Variants in FXN observed in about 807,000 individuals in gnomAD.
The protein encoded by FXN is frataxin, mitochondrial.
Under a neutral mutation model 22.4 loss-of-function variants are expected in FXN, and 14 were observed. The observed-to-expected ratio is 0.62, with a 90% confidence interval of 0.41 to 0.98. FXN has a LOEUF of 0.98. Among genes scored for constraint, FXN ranks in the 50% least tolerant of loss-of-function variants. The pLI, the probability that FXN is intolerant of heterozygous loss-of-function variation, is 0.00. For synonymous variants in FXN, 120 were observed against 114.1 expected (o/e 1.05, Z -0.33); for missense variants, 267 against 268.4 (o/e 0.99, Z 0.04).
At chr9:69,065,611 C>A (rs1832154856) in intron 4 of FXN, among the ~76,000 whole-genome samples, 1 of 151,908 alleles carries the variant, frequency 6.6e-6, no homozygotes, top group East Asian at 1.9e-4. Flanking sequence ...ATTTTGCAGC[C>A]TGTCTCATTC....
chr9:69,041,289 C>T (rs751380725), intron 1 of FXN, among the ~76,000 whole-genome samples: 4 of 152,212 alleles, frequency 2.6e-5, no homozygotes, highest in Non-Finnish European at 4.4e-5. Flanking sequence ...TGGCTTGCCC[C>T]TTTTGTTCAA....
In FXN at chr9:69,074,678, T is replaced by C; in HGVS notation, c.*1916T>C. ...TGCACAGGAGGCTGAGACAGGAGGATTGCTTGAAGCCAGGAATTGGAGATC... is the reference window on the plus strand; with the variant it reads ...TGCACAGGAGGCTGAGACAGGAGGACTGCTTGAAGCCAGGAATTGGAGATC... On this transcript the variant is annotated 3_prime_UTR_variant, in exon 5 of 5. Transcript: ENST00000484259. The C allele has an allele frequency of 1.0e-6, 1 of 979,218 alleles. No homozygotes were observed. The highest frequency in any genetic ancestry group is 1.2e-6 in the Non-Finnish European group (1 of 824,410). The allele number at this position is 979,218 out of a possible 1,614,324, so 60.7% of individuals were successfully genotyped here. A position where few individuals can be genotyped will look rare whatever the true frequency, so the allele number is the denominator to read the frequency against.
chr9:69,067,309 G>A (rs1423399619), intron 4 of FXN, among the ~76,000 whole-genome samples: 1 of 152,262 alleles, frequency 6.6e-6, no homozygotes, highest in Admixed American at 6.5e-5. Flanking sequence ...TTCTTGGAAG[G>A]AGCAGGCCGG....
intron 3 of FXN, among the ~76,000 whole-genome samples, chr9:69,053,584 C>A (rs760929807): frequency 1.3e-5 from 2 of 152,148 alleles, no homozygotes; most frequent in Non-Finnish European, 2.9e-5. Flanking sequence ...CTTCAAGCTG[C>A]AGTCCAGCTC....
At chr9:69,038,689 G>C (rs1467433104) in intron 1 of FXN, among the ~76,000 whole-genome samples, 1 of 151,712 alleles carries the variant, frequency 6.6e-6, no homozygotes, top group Non-Finnish European at 1.5e-5. Flanking sequence ...ATGGTGGTGG[G>C]TGCCTGTAGT....
In FXN at chr9:69,072,966, G is replaced by A; in HGVS notation, c.*204G>A. 1 of 1,438,312 alleles carries A rather than the reference G, an allele frequency of 7.0e-7. No individual in the cohort carries two copies. The highest frequency in any genetic ancestry group is 2.8e-5 in the Admixed American group (1 of 35,166). The allele number at this position is 1,438,312 out of a possible 1,614,324, so 89.1% of individuals were successfully genotyped here. A position where few individuals can be genotyped will look rare whatever the true frequency, so the allele number is the denominator to read the frequency against. On this transcript the variant is annotated 3_prime_UTR_variant, in exon 5 of 5. Transcript: ENST00000484259. ...CCAAGTTCTGATTTTTAATTTCTAT[G>A]GAAGATTTTTTGGATTGTCGGATTT...
intron 2 of FXN, among the ~76,000 whole-genome samples, 153 bp from the exon 3 acceptor site, chr9:69,052,987 T>C (rs1476450879): frequency 7.1e-6 from 1 of 140,446 alleles, no homozygotes; most frequent in Non-Finnish European, 1.5e-5. Flanking sequence ...TGAGACTCTG[T>C]CTCAAAAAAA....
chr9:69,066,047 T>C (rs1397727668), intron 4 of FXN, among the ~76,000 whole-genome samples: 1 of 152,338 alleles, frequency 6.6e-6, no homozygotes, highest in African/African-American at 2.4e-5. Context: ...GTGGCCTGCA[T>C]AGCATCTGAA....
intron 3 of FXN, among the ~76,000 whole-genome samples, chr9:69,053,925 A>G (rs1405959459): frequency 6.6e-6 from 1 of 152,128 alleles, no homozygotes. Flanking sequence ...GATTTTGATT[A>G]CTTGGTCTGG....
intron 3 of FXN, 22 bp from the exon 4 acceptor site, chr9:69,064,916 T>G: frequency 6.7e-7 from 1 of 1,481,886 alleles, no homozygotes; most frequent in South Asian, 1.1e-5. Context: ...TCTTTATGCT[T>G]TTTTTCCACC....
chr9:69,044,103 G>C (rs1032247738), intron 1 of FXN, among the ~76,000 whole-genome samples: 2 of 152,112 alleles, frequency 1.3e-5, no homozygotes, highest in African/African-American at 4.8e-5. Context: ...TGATCGATTG[G>C]TAACAATGTT....
At chr9:69,036,719 A>G (rs1176615094) in intron 1 of FXN, among the ~76,000 whole-genome samples, 1 of 152,248 alleles carries the variant, frequency 6.6e-6, no homozygotes, top group East Asian at 1.9e-4. Flanking sequence ...ACTTCAAATT[A>G]GTTCCCCTTT....
chr9:69,075,548 GA>G lies in FXN; in HGVS notation c.*2790del. On this transcript the variant is annotated 3_prime_UTR_variant, in exon 5 of 5. Transcript: ENST00000484259. ...AAATCATATTCTGTCAAGCAAACTG[GA>G]AAAGTACCACTGTGTGTACCAATAG... is the stretch of plus-strand genomic sequence containing the variant. 1.0e-6 allele frequency: 1 copy of G among 985,144 alleles called. No individual in the cohort carries two copies. The highest frequency in any genetic ancestry group is 4.7e-5 in the South Asian group (1 of 21,246). The allele number at this position is 985,144 out of a possible 1,614,324, so 61.0% of individuals were successfully genotyped here. A position where few individuals can be genotyped will look rare whatever the true frequency, so the allele number is the denominator to read the frequency against.
At position 69,055,605 on chromosome 9, in the gene FXN, C is replaced by T. The variant is rs984540460; in HGVS notation, c.384+2345C>T. On this transcript the variant is annotated intron_variant, in intron 3 of 4. Coordinates refer to ENST00000484259, the MANE Select transcript of FXN (RefSeq NM_000144.5). Reference sequence around the variant, plus strand: ...GCCTCCCAGGTTCAAGCGATTCTCCCGCCTCAACCTCCTGAGTAGCTGGGA... The same window carrying T: ...GCCTCCCAGGTTCAAGCGATTCTCCTGCCTCAACCTCCTGAGTAGCTGGGA... Among the ~76,000 whole-genome samples the T allele has an allele frequency of 3.3e-5, 5 of 150,806 alleles. 1 individual carries two copies. Among genetic ancestry groups the T allele is most frequent in the South Asian group, 4.2e-4 (2 of 4,788 alleles).
intron 4 of FXN, among the ~76,000 whole-genome samples, chr9:69,069,140 G>C (rs1158482405): frequency 6.6e-6 from 1 of 152,200 alleles, no homozygotes; most frequent in African/African-American, 2.4e-5. Context: ...AAGGCAGGCG[G>C]ATCACTTGAG....
intron 3 of FXN, among the ~76,000 whole-genome samples, chr9:69,057,154 A>C (rs1234928912): frequency 6.6e-6 from 1 of 152,204 alleles, no homozygotes; most frequent in African/African-American, 2.4e-5. Context: ...GAATAGAACG[A>C]GTCCTGTTTG....
In FXN at chr9:69,035,972, C is replaced by G. The variant is rs912481070; in HGVS notation, c.165+25C>G. On this transcript the variant is annotated intron_variant, in intron 1 of 4. Transcript: ENST00000484259. ...AGTAAGTATCCGCGCCGGGAACAGC[C>G]GCGGGCCGCACGCCGCGGGCCGCAC... 18 of 1,419,830 alleles carry G rather than the reference C, an allele frequency of 1.3e-5. No individual in the cohort carries two copies. In the African/African-American group the frequency reaches 2.9e-4, roughly 23 times the overall value. 88.0% of individuals were successfully genotyped at this position (1,419,830 alleles called of 1,614,324 possible).
intron 4 of FXN, among the ~76,000 whole-genome samples, chr9:69,072,228 T>G (rs1467183191): frequency 6.6e-6 from 1 of 152,200 alleles, no homozygotes; most frequent in Non-Finnish European, 1.5e-5. Context: ...AATTTCACCT[T>G]AACAACTAAT....
chr9:69,078,003 C>T lies in FXN; in HGVS notation c.*5241C>T, dbSNP rs1406816511. ...ATTATATAGAAAAATAAGACAATAT[C>T]ATTTCCCAATTACATTCCTTTCCTA... On this transcript the variant is annotated 3_prime_UTR_variant, in exon 5 of 5. Transcript: ENST00000484259. 2 of 985,196 alleles carry T rather than the reference C, an allele frequency of 2.0e-6. No homozygotes were observed. The highest frequency in any genetic ancestry group is 1.2e-4 in the Admixed American group (2 of 16,250). 61.0% of individuals were successfully genotyped at this position (985,196 alleles called of 1,614,324 possible).
Sources: gnomAD v4.1 joint callset for allele counts (sites outside exome capture counted in the v4.1 genomes callset) on GRCh38, gnomAD v4.1.1 for gene constraint, MANE v1.5 for transcripts, NCBI Gene and HGNC (gene_info 2026-07-23, HGNC 2026-07-21) for gene names.